The following ATP6V0E1 variants were observed in gnomAD, a reference collection of about 807,000 sequenced individuals.
The protein encoded by ATP6V0E1 is ATPase H+ transporting V0 subunit e1.
A neutral mutation model predicts 11.6 loss-of-function variants in ATP6V0E1; 4 were observed. That is an observed-to-expected ratio of 0.35 (90% CI 0.17 to 0.79). The LOEUF is 0.79. Among genes scored for constraint, ATP6V0E1 ranks in the 30% least tolerant of loss-of-function variants. ATP6V0E1 has a pLI of 0.54. For synonymous variants in ATP6V0E1, 36 were observed against 34.8 expected (o/e 1.04, Z -0.13); for missense variants, 105 against 100.0 (o/e 1.05, Z -0.21).
At chr5:172,984,540 T>C (rs1755852092) in intron 1 of ATP6V0E1, among the ~76,000 whole-genome samples, 1 of 152,198 alleles carries the variant, frequency 6.6e-6, no homozygotes, top group African/African-American at 2.4e-5. Context: ...GAGAAACCCC[T>C]GCGTCATGCC....
Position 173,015,839 on chromosome 5 carries a change from G to A in ATP6V0E1, c.153-4399G>A, listed in dbSNP as rs112624179. Among the ~76,000 whole-genome samples, 1,320 of 152,200 alleles carry A rather than the reference G, an allele frequency of 8.7e-3. 19 individuals carry two copies. The highest frequency in any genetic ancestry group is 0.03 in the African/African-American group (1,259 of 41,528). On this transcript the variant is annotated intron_variant, in intron 2 of 3. Transcript: ENST00000519374. ...CCTCCCAGGTTCAAGTGATTCTCCT[G>A]CCTCACCCTCCCAAGTAGCTGGGAC...
At chr5:172,996,069 A>G (rs1373830555) in intron 2 of ATP6V0E1, among the ~76,000 whole-genome samples, 1 of 152,206 alleles carries the variant, frequency 6.6e-6, no homozygotes, top group Non-Finnish European at 1.5e-5. Flanking sequence ...GACCCATCCT[A>G]TAGATGAAAG....
In ATP6V0E1 at chr5:172,994,825, A is replaced by G; in HGVS notation, c.152+3A>G. ...TGTTCAGTTTGCTGCTATCTCTTGTAAGTAATTTTTTCTTAAGTAATTATT... is the reference window on the plus strand; with the variant it reads ...TGTTCAGTTTGCTGCTATCTCTTGTGAGTAATTTTTTCTTAAGTAATTATT... On this transcript the variant is annotated splice_donor_region_variant and intron_variant, in intron 2 of 3. Transcript: ENST00000519374. 1.3e-6 allele frequency: 2 copies of G among 1,597,170 alleles called. No homozygotes were observed. The highest frequency in any genetic ancestry group is 1.7e-6 in the Non-Finnish European group (2 of 1,172,186).
intron 1 of ATP6V0E1, chr5:172,986,578 T>G: frequency 3.1e-6 from 1 of 318,654 alleles, no homozygotes; most frequent in Non-Finnish European, 6.1e-6. Context: ...CAGTAAGCTA[T>G]GATCACACCA....
intron 3 of ATP6V0E1, among the ~76,000 whole-genome samples, chr5:173,026,784 C>T (rs767091153): frequency 1.3e-5 from 2 of 152,134 alleles, no homozygotes; most frequent in African/African-American, 2.4e-5. Context: ...AATGTAGCCT[C>T]CTTGAAAATG....
At chr5:173,029,991 T>C (rs1756625577) in intron 3 of ATP6V0E1, among the ~76,000 whole-genome samples, 1 of 152,220 alleles carries the variant, frequency 6.6e-6, no homozygotes, top group Non-Finnish European at 1.5e-5. Flanking sequence ...CATTCATTAA[T>C]TTAGAAAACA....
intron 3 of ATP6V0E1, among the ~76,000 whole-genome samples, chr5:173,027,108 G>T (rs1004322682): frequency 6.6e-6 from 1 of 150,430 alleles, no homozygotes; most frequent in Admixed American, 6.7e-5. Context: ...GAACCTGGGA[G>T]GCGGAGCTTG....
At chr5:172,990,601 G>T (rs971407777) in intron 1 of ATP6V0E1, among the ~76,000 whole-genome samples, 3 of 152,016 alleles carry the variant, frequency 2.0e-5, no homozygotes, top group African/African-American at 7.3e-5. Context: ...GGCTGAGGTG[G>T]GTGGATCACT....
intron 2 of ATP6V0E1, among the ~76,000 whole-genome samples, chr5:173,016,260 G>A (rs77720550): frequency 0.022 from 3,288 of 152,328 alleles, 55 homozygotes; most frequent in Admixed American, 0.04. Flanking sequence ...GGCAGATAAT[G>A]TCAGGATTGA....
chr5:173,010,969 C>T (rs1224952113), intron 2 of ATP6V0E1, among the ~76,000 whole-genome samples: 2 of 152,038 alleles, frequency 1.3e-5, no homozygotes, highest in Non-Finnish European at 2.9e-5. Flanking sequence ...AAGAAGTGGC[C>T]AGGGAGGGTT....
rs560327043 is a variant in ATP6V0E1 at position 173,019,371 on chromosome 5, C to T, written c.153-867C>T. ...GAGATGGAGACCATCCTGGCTAACA[C>T]GGTGAAAACCCATCTCTACTAAAAA... On this transcript the variant is annotated intron_variant, in intron 2 of 3. Coordinates refer to ENST00000519374, the MANE Select transcript of ATP6V0E1 (RefSeq NM_003945.4). Among the ~76,000 whole-genome samples the T allele has an allele frequency of 4.3e-4, 66 of 152,166 alleles. 1 individual carries two copies. The highest frequency in any genetic ancestry group is 1.5e-3 in the African/African-American group (64 of 41,530).
At chr5:173,002,005 A>G (rs1021774353) in intron 2 of ATP6V0E1, among the ~76,000 whole-genome samples, 17 of 152,112 alleles carry the variant, frequency 1.1e-4, no homozygotes, top group African/African-American at 4.8e-5. Flanking sequence ...TAAACATACT[A>G]TTTTCTCTCT....
At chr5:172,999,546 TG>T (rs1441794253) in intron 2 of ATP6V0E1, among the ~76,000 whole-genome samples, 6 of 152,324 alleles carry the variant, frequency 3.9e-5, no homozygotes, top group African/African-American at 1.4e-4. Flanking sequence ...AGGCTAGTCT[TG>T]AACTCCTGAG....
intron 3 of ATP6V0E1, among the ~76,000 whole-genome samples, chr5:173,025,504 CTTTTTTTTTTT>C (rs60822937): frequency 1.2e-4 from 8 of 65,566 alleles, no homozygotes; most frequent in South Asian, 6.1e-4. Context: ...ATATAAAATA[CTTTTTTTTTTT>C]TTTTTTTTTT....
intron 1 of ATP6V0E1, among the ~76,000 whole-genome samples, chr5:172,993,832 C>T (rs1051849438): frequency 7.9e-5 from 12 of 152,132 alleles, no homozygotes; most frequent in African/African-American, 2.9e-4. Context: ...GATCATGCCA[C>T]TGCACTCTAG....
At chr5:172,998,195 T>C (rs1308727159) in intron 2 of ATP6V0E1, among the ~76,000 whole-genome samples, 1 of 147,888 alleles carries the variant, frequency 6.8e-6, no homozygotes, top group Non-Finnish European at 1.5e-5. Context: ...TTAGTCTTTT[T>C]TTTTTTTTTT....
chr5:172,990,841 A>AG (rs1478317350), intron 1 of ATP6V0E1, among the ~76,000 whole-genome samples: 2 of 151,896 alleles, frequency 1.3e-5, no homozygotes, highest in Non-Finnish European at 2.9e-5. Flanking sequence ...ATTAAAAAAA[A>AG]AAAAAAAATA....
At chr5:172,986,533 G>A (rs186061468) in intron 1 of ATP6V0E1, 38 of 248,290 alleles carry the variant, frequency 1.5e-4, no homozygotes, top group African/African-American at 8.4e-4. Flanking sequence ...TGAGTGAGGG[G>A]GATGGGAGTG....
chr5:173,026,324 A>G (rs570524975), intron 3 of ATP6V0E1, among the ~76,000 whole-genome samples: 1 of 152,276 alleles, frequency 6.6e-6, no homozygotes, highest in South Asian at 2.1e-4. Flanking sequence ...TTCCCCTGGC[A>G]GTTTCGTCAC....
Sources: gnomAD v4.1 joint callset for allele counts (sites outside exome capture counted in the v4.1 genomes callset) on GRCh38, gnomAD v4.1.1 for gene constraint, MANE v1.5 for transcripts, NCBI Gene and HGNC (gene_info 2026-07-23, HGNC 2026-07-21) for gene names.